MAGI1: variants seen among roughly 807,000 people sequenced by gnomAD.
MAGI1 encodes the protein membrane associated guanylate kinase, WW and PDZ domain containing 1, also known as membrane-associated guanylate kinase, WW and PDZ domain-containing protein 1.
MAGI1 carries 58 observed loss-of-function variants against 139.9 expected under a neutral mutation model. The ratio of observed to expected loss-of-function variants is 0.41; its 90% CI spans 0.34 to 0.52. MAGI1 has a LOEUF of 0.52. MAGI1 is among the 20% of genes least tolerant of loss of function. MAGI1 has a pLI of 0.12. For missense variants in MAGI1, 1,874 were observed against 1,901.6 expected (o/e 0.99, Z 0.27); for synonymous variants, 812 against 737.9 (o/e 1.10, Z -1.63).
chr3:65,610,785 A>C (rs1366359159), intron 2 of MAGI1, among the ~76,000 whole-genome samples: 1 of 130,392 alleles, frequency 7.7e-6, no homozygotes. Flanking sequence ...TACTGTATAT[A>C]GTATATATAG....
chr3:65,483,170 G>C (rs1482190277), intron 3 of MAGI1, among the ~76,000 whole-genome samples: 1 of 152,300 alleles, frequency 6.6e-6, no homozygotes, highest in South Asian at 2.1e-4. Context: ...GCTTGCTTTC[G>C]GCCCTGGGCT....
intron 2 of MAGI1, among the ~76,000 whole-genome samples, chr3:65,501,089 C>T (rs2077061687): frequency 6.6e-6 from 1 of 152,148 alleles, no homozygotes; most frequent in Admixed American, 6.5e-5. Context: ...ATCAGCACTA[C>T]AATTTACTTG....
chr3:65,899,856 T>G (rs1218028010), intron 1 of MAGI1, among the ~76,000 whole-genome samples: 2 of 152,242 alleles, frequency 1.3e-5, no homozygotes, highest in Admixed American at 1.3e-4. Context: ...CCTGATGCAC[T>G]AATTTTTCAG....
chr3:66,037,872 G>T lies in MAGI1; in HGVS notation c.313+124C>A, dbSNP rs1220338390. ...TTGTGTATTTCACCGCCACCACAGGGCGCACGGCCTCAACTTCTCTTCACT... is the reference window on the plus strand; with the variant it reads ...TTGTGTATTTCACCGCCACCACAGGTCGCACGGCCTCAACTTCTCTTCACT... On this transcript the variant is annotated intron_variant, in intron 1 of 22. Transcript: ENST00000402939. 2.1e-6 allele frequency: 3 copies of T among 1,462,456 alleles called. No individual in the cohort carries two copies. In the African/African-American group the frequency reaches 4.3e-5, roughly 21 times the overall value. 90.6% of individuals were successfully genotyped at this position (1,462,456 alleles called of 1,614,324 possible).
intron 1 of MAGI1, among the ~76,000 whole-genome samples, chr3:65,754,219 G>T (rs544047551): frequency 6.6e-6 from 1 of 152,160 alleles, no homozygotes; most frequent in East Asian, 1.9e-4. Flanking sequence ...ACAGAATTTT[G>T]ATTACCGCAA....
rs1466640906 is a variant in MAGI1 at position 65,947,633 on chromosome 3, C to G, written c.313+90363G>C. Reference sequence around the variant, plus strand: ...AATATCAGTTTTTTGGTTTGTTTTTCTGAGACGGGGTCTCGGTCTGTTACC... The same window carrying G: ...AATATCAGTTTTTTGGTTTGTTTTTGTGAGACGGGGTCTCGGTCTGTTACC... On this transcript the variant is annotated intron_variant, in intron 1 of 22. Transcript: ENST00000402939. Among the ~76,000 whole-genome samples the G allele has an allele frequency of 5.9e-5, 9 of 152,040 alleles. No individual in the cohort carries two copies. In the South Asian group the frequency reaches 1.5e-3, roughly 25 times the overall value.
rs535824873 is a variant in MAGI1, at chr3:65,944,807, T to C, written c.313+93189A>G. 1.4e-3 allele frequency among the ~76,000 whole-genome samples: 211 copies of C among 152,198 alleles called. 1 individual carries two copies. Among genetic ancestry groups the C allele is most frequent in the African/African-American group, 4.6e-3 (192 of 41,536 alleles). On this transcript the variant is annotated intron_variant, in intron 1 of 22. Coordinates refer to ENST00000402939, the MANE Select transcript of MAGI1 (RefSeq NM_001033057.2). ...AGCATTACAGAATAAGGGAAGATAG[T>C]TGGGGTAGAGAGGTGGATAACCCAA...
intron 1 of MAGI1, among the ~76,000 whole-genome samples, chr3:65,974,695 G>A (rs2065180179): frequency 6.6e-6 from 1 of 152,176 alleles, no homozygotes; most frequent in Non-Finnish European, 1.5e-5. Flanking sequence ...ATGGCTGTCA[G>A]CAGGGGGCTT....
chr3:65,480,946 C>A (rs1951244763), intron 3 of MAGI1, among the ~76,000 whole-genome samples: 1 of 151,984 alleles, frequency 6.6e-6, no homozygotes, highest in South Asian at 2.1e-4. Flanking sequence ...TTTTTTGAAT[C>A]ATCAAAATTT....
In MAGI1 at chr3:66,014,180, G is replaced by T. The variant is rs1049996032; in HGVS notation, c.313+23816C>A. Among the ~76,000 whole-genome samples, 3 of 152,122 alleles carry T rather than the reference G, an allele frequency of 2.0e-5. No homozygotes were observed. The East Asian group carries it at 5.8e-4, about 29-fold the overall frequency. On this transcript the variant is annotated intron_variant, in intron 1 of 22. Transcript: ENST00000402939. ...AAGCAGTTCACCAAACACTGAAAGA[G>T]GGTACTATTAATAATTATACCAGAA...
intron 2 of MAGI1, among the ~76,000 whole-genome samples, chr3:65,534,352 G>A (rs552608871): frequency 3.9e-5 from 6 of 152,226 alleles, no homozygotes; most frequent in Admixed American, 2.0e-4. Flanking sequence ...TCAGCCAGGC[G>A]TAGTGGTGCA....
chr3:65,993,310 T>C (rs953434481), intron 1 of MAGI1, among the ~76,000 whole-genome samples: 16 of 152,192 alleles, frequency 1.1e-4, no homozygotes, highest in African/African-American at 3.4e-4. Flanking sequence ...AGGCTTAAAA[T>C]GACACCTCTG....
chr3:65,551,368 T>C (rs1432490515), intron 2 of MAGI1, among the ~76,000 whole-genome samples: 1 of 152,202 alleles, frequency 6.6e-6, no homozygotes, highest in East Asian at 1.9e-4. Context: ...TCGCATGATC[T>C]TGGCTCACTG....
intron 1 of MAGI1, among the ~76,000 whole-genome samples, chr3:65,995,208 A>C (rs1332574758): frequency 6.6e-6 from 1 of 152,234 alleles, no homozygotes; most frequent in Non-Finnish European, 1.5e-5. Flanking sequence ...AAGACAGACA[A>C]CAAGAAACAC....
At chr3:65,486,059 G>A (rs928001393) in intron 3 of MAGI1, among the ~76,000 whole-genome samples, 2 of 152,162 alleles carry the variant, frequency 1.3e-5, no homozygotes, top group African/African-American at 4.8e-5. Flanking sequence ...GCCTGCCAAA[G>A]AACAGGACTC....
chr3:65,652,416 G>T (rs528815867), intron 1 of MAGI1, among the ~76,000 whole-genome samples: 5 of 152,062 alleles, frequency 3.3e-5, no homozygotes, highest in Non-Finnish European at 5.9e-5. Flanking sequence ...GGAGAAGGGG[G>T]TCTTGCTCAG....
intron 1 of MAGI1, among the ~76,000 whole-genome samples, chr3:65,995,767 T>C (rs563926047): frequency 6.6e-6 from 1 of 152,222 alleles, no homozygotes; most frequent in South Asian, 2.1e-4. Context: ...TTCATTTCTA[T>C]CCTCCTCAAC....
intron 1 of MAGI1, among the ~76,000 whole-genome samples, chr3:66,011,355 A>C (rs1304319054): frequency 6.6e-6 from 1 of 152,190 alleles, no homozygotes; most frequent in Non-Finnish European, 1.5e-5. Flanking sequence ...CTCAAATCCA[A>C]GCACACCCAC....
chr3:65,710,785 A>G (rs1285407694), intron 1 of MAGI1, among the ~76,000 whole-genome samples: 1 of 152,230 alleles, frequency 6.6e-6, no homozygotes, highest in Non-Finnish European at 1.5e-5. Context: ...AATGTCTTCC[A>G]GTGTCCAGTT....
Sources: gnomAD v4.1 joint callset for allele counts (sites outside exome capture counted in the v4.1 genomes callset) on GRCh38, gnomAD v4.1.1 for gene constraint, MANE v1.5 for transcripts, NCBI Gene and HGNC (gene_info 2026-07-23, HGNC 2026-07-21) for gene names.